The following MGAT5 variants were observed in gnomAD, a reference collection of about 807,000 sequenced individuals.
MGAT5 encodes alpha-1,6-mannosylglycoprotein 6-beta-N-acetylglucosaminyltransferase.
A neutral mutation model predicts 94.3 loss-of-function variants in MGAT5; 30 were observed. The ratio of observed to expected loss-of-function variants is 0.32; its 90% CI spans 0.24 to 0.43. The LOEUF (loss-of-function observed/expected upper bound fraction) is 0.43, where lower values mean the gene tolerates loss of function less well. Ranked by LOEUF, MGAT5 falls within the 20% of genes least tolerant of loss-of-function variation. The pLI, the probability that MGAT5 is intolerant of heterozygous loss-of-function variation, is 1.00. For missense variants in MGAT5, 691 were observed against 905.5 expected, an observed-to-expected ratio of 0.76 and a Z score of 3.04; for synonymous variants, 310 against 322.9, an observed-to-expected ratio of 0.96 and a Z score of 0.43.
intron 2 of MGAT5, among the ~76,000 whole-genome samples, chr2:134,281,802 A>T (rs1013430152): frequency 6.6e-6 from 1 of 152,244 alleles, no homozygotes; most frequent in Admixed American, 6.5e-5. Context: ...TGTTAATAGA[A>T]CCTTCTCGAT....
intron 1 of MGAT5, among the ~76,000 whole-genome samples, chr2:134,170,979 C>T (rs1337975561): frequency 6.6e-6 from 1 of 151,888 alleles, no homozygotes; most frequent in Non-Finnish European, 1.5e-5. Flanking sequence ...CATGCCTCAG[C>T]CTCCCTGAGT....
At chr2:134,221,997 C>G (rs1680797705) in intron 1 of MGAT5, among the ~76,000 whole-genome samples, 3 of 152,080 alleles carry the variant, frequency 2.0e-5, no homozygotes, top group African/African-American at 7.2e-5. Flanking sequence ...GTCCAGGTCC[C>G]ACGGTGCTAG....
chr2:134,305,537 A>G (rs1686273937), intron 2 of MGAT5, among the ~76,000 whole-genome samples: 1 of 152,224 alleles, frequency 6.6e-6, no homozygotes, highest in Admixed American at 6.5e-5. Flanking sequence ...AAATACAAAT[A>G]TACACACATA....
chr2:134,341,858 A>C, intron 7 of MGAT5, 99 bp downstream of exon 7: 1 of 1,021,322 alleles, frequency 9.8e-7, no homozygotes. Context: ...TTTGTCGAGG[A>C]AAATGAAAGT....
At chr2:134,169,413 GAC>G (rs71660291) in intron 1 of MGAT5, among the ~76,000 whole-genome samples, 52,931 of 126,150 alleles carry the variant, frequency 0.42, 10,784 homozygotes, top group East Asian at 0.58. Context: ...CACACACACA[GAC>G]ACACACACAC....
Position 134,383,406 on chromosome 2 carries a change from C to T in MGAT5, c.1381-19582C>T, listed in dbSNP as rs149040278. 1.5e-3 allele frequency among the ~76,000 whole-genome samples: 221 copies of T among 152,256 alleles called. 1 individual carries two copies. Among genetic ancestry groups the T allele is most frequent in the Middle Eastern group, 3.4e-3 (1 of 294 alleles). On this transcript the variant is annotated intron_variant, in intron 10 of 15. Coordinates refer to ENST00000281923, the MANE Select transcript of MGAT5 (RefSeq NM_002410.5). ...ACAATTTAATGAACTTTGTATTTTT[C>T]TTATAAAACGCCAAATGCCTCCAAT...
chr2:134,270,037 G>A (rs1573661346), intron 1 of MGAT5, among the ~76,000 whole-genome samples: 2 of 152,222 alleles, frequency 1.3e-5, no homozygotes, highest in South Asian at 2.1e-4. Context: ...CACCCTTGGG[G>A]TGTCAAGCTT....
At chr2:134,237,123 A>ATGTATATGTGTATGTGTGTG (rs1553499217) in intron 1 of MGAT5, among the ~76,000 whole-genome samples, 56 of 140,722 alleles carry the variant, frequency 4.0e-4, no homozygotes, top group Non-Finnish European at 7.5e-4. Flanking sequence ...GAAGGAGTAT[A>ATGTATATGTGTATGTGTGTG]TGTGTGTGTG....
chr2:134,208,293 A>G (rs41437949), intron 1 of MGAT5, among the ~76,000 whole-genome samples: 7,515 of 152,286 alleles, frequency 0.049, 445 homozygotes, highest in East Asian at 0.13. Context: ...ATTCTAATTG[A>G]CAGCATATAG....
chr2:134,408,668 C>T (rs1480771020), intron 11 of MGAT5, among the ~76,000 whole-genome samples: 1 of 152,170 alleles, frequency 6.6e-6, no homozygotes, highest in Admixed American at 6.5e-5. Flanking sequence ...TAGAGCCAGC[C>T]TGGATGGAAG....
At chr2:134,423,556 C>T (rs1684416214) in intron 13 of MGAT5, among the ~76,000 whole-genome samples, 2 of 152,268 alleles carry the variant, frequency 1.3e-5, no homozygotes, top group African/African-American at 2.4e-5. Context: ...TCTCCCAACT[C>T]GGAGCCCACC....
At chr2:134,352,581 C>T (rs1422842853) in intron 9 of MGAT5, among the ~76,000 whole-genome samples, 1 of 152,078 alleles carries the variant, frequency 6.6e-6, no homozygotes, top group Non-Finnish European at 1.5e-5. Flanking sequence ...AAAATGATTG[C>T]CATTGGATAA....
At chr2:134,174,318 CACAT>C (rs1688356775) in intron 1 of MGAT5, among the ~76,000 whole-genome samples, 1 of 152,222 alleles carries the variant, frequency 6.6e-6, no homozygotes, top group South Asian at 2.1e-4. Flanking sequence ...ATCTGAGAAA[CACAT>C]ACTGCCAAAG....
chr2:134,179,614 G>T (rs1688640398), intron 1 of MGAT5, among the ~76,000 whole-genome samples: 1 of 152,174 alleles, frequency 6.6e-6, no homozygotes, highest in Non-Finnish European at 1.5e-5. Flanking sequence ...AAGTTGTCCA[G>T]GGTCACCCGT....
intron 1 of MGAT5, among the ~76,000 whole-genome samples, chr2:134,245,225 G>A (rs1254380538): frequency 2.0e-5 from 3 of 152,160 alleles, no homozygotes; most frequent in Non-Finnish European, 4.4e-5. Context: ...TGTTAGCCAG[G>A]ATGGTCTCGA....
At chr2:134,419,442 T>TTG (rs56181696) in intron 12 of MGAT5, among the ~76,000 whole-genome samples, 5,730 of 134,104 alleles carry the variant, frequency 0.043, 177 homozygotes, top group African/African-American at 0.082. Context: ...GCTTCAGGGT[T>TTG]TGTGTGTGTG....
intron 2 of MGAT5, among the ~76,000 whole-genome samples, chr2:134,305,999 A>G (rs1219721562): frequency 1.3e-5 from 2 of 152,148 alleles, no homozygotes; most frequent in Admixed American, 6.5e-5. Flanking sequence ...TTAGCATTAT[A>G]TCTTATTCTT....
chr2:134,128,279 GAA>G (rs1162653103), intron 1 of MGAT5, among the ~76,000 whole-genome samples: 5 of 151,818 alleles, frequency 3.3e-5, no homozygotes, highest in African/African-American at 9.7e-5. Flanking sequence ...GAGAGAGAGA[GAA>G]AGAAGAAAGA....
chr2:134,409,830 T>C (rs1683544626), intron 11 of MGAT5, among the ~76,000 whole-genome samples: 1 of 152,210 alleles, frequency 6.6e-6, no homozygotes, highest in Admixed American at 6.5e-5. Flanking sequence ...TGTAGGAACG[T>C]CCCAATCCTA....
Sources: gnomAD v4.1 joint callset for allele counts (sites outside exome capture counted in the v4.1 genomes callset) on GRCh38, gnomAD v4.1.1 for gene constraint, MANE v1.5 for transcripts, NCBI Gene and HGNC (gene_info 2026-07-23, HGNC 2026-07-21) for gene names.